The following CNTNAP2 variants were observed in gnomAD, a reference collection of about 807,000 sequenced individuals.
The protein encoded by CNTNAP2 is contactin associated protein 2, also known as contactin-associated protein-like 2.
In CNTNAP2, 98 loss-of-function variants were observed where a neutral mutation model predicts 155.2. The observed-to-expected ratio is 0.63, with a 90% CI of 0.54 to 0.75. CNTNAP2 has a LOEUF of 0.75. Among genes scored for constraint, CNTNAP2 ranks in the 30% least tolerant of loss-of-function variants. CNTNAP2 has a pLI of 0.00. For missense variants in CNTNAP2, 1,727 were observed against 1,688.1 expected (o/e 1.02, Z -0.40); for synonymous variants, 651 against 631.2 (o/e 1.03, Z -0.47).
intron 13 of CNTNAP2, among the ~76,000 whole-genome samples, chr7:147,740,802 T>G (rs1372865618): frequency 6.6e-6 from 1 of 152,116 alleles, no homozygotes; most frequent in Non-Finnish European, 1.5e-5. Context: ...AAGGAATTTA[T>G]GAAAGGGAGT....
At chr7:146,173,372 C>A (rs1798422844) in intron 1 of CNTNAP2, among the ~76,000 whole-genome samples, 1 of 151,572 alleles carries the variant, frequency 6.6e-6, no homozygotes. Flanking sequence ...TTGAATTTTC[C>A]AGTTTGTTTG....
At chr7:147,994,739 AT>A (rs2116885806) in intron 15 of CNTNAP2, among the ~76,000 whole-genome samples, 1 of 152,276 alleles carries the variant, frequency 6.6e-6, no homozygotes, top group Admixed American at 6.5e-5. Flanking sequence ...TCTTTTGTAA[AT>A]TGCCCAGTCT....
At chr7:147,468,618 A>C (rs1345308910) in intron 10 of CNTNAP2, among the ~76,000 whole-genome samples, 1 of 152,220 alleles carries the variant, frequency 6.6e-6, no homozygotes, top group Non-Finnish European at 1.5e-5. Flanking sequence ...ACATGAGATC[A>C]TATAGTAGCC....
chr7:147,632,941 C>A (rs1037235212), intron 12 of CNTNAP2, among the ~76,000 whole-genome samples: 2 of 152,126 alleles, frequency 1.3e-5, no homozygotes, highest in African/African-American at 4.8e-5. Flanking sequence ...TTTGTCCCTG[C>A]CTCATTCAAG....
intron 12 of CNTNAP2, among the ~76,000 whole-genome samples, chr7:147,596,333 C>A (rs1456666754): frequency 6.6e-6 from 1 of 152,080 alleles, no homozygotes; most frequent in Non-Finnish European, 1.5e-5. Context: ...ACTTATTGAC[C>A]TTACATCCAC....
chr7:148,203,956 T>C (rs541097197), intron 18 of CNTNAP2, among the ~76,000 whole-genome samples: 1 of 152,302 alleles, frequency 6.6e-6, no homozygotes, highest in African/African-American at 2.4e-5. Context: ...AACATCTTTT[T>C]TGAAGAGGCA....
intron 14 of CNTNAP2, among the ~76,000 whole-genome samples, chr7:147,962,872 C>T (rs1801137349): frequency 6.6e-6 from 1 of 152,006 alleles, no homozygotes; most frequent in Non-Finnish European, 1.5e-5. Flanking sequence ...CATCAGAGTC[C>T]CTTTTCTTAA....
intron 4 of CNTNAP2, among the ~76,000 whole-genome samples, chr7:147,107,523 C>T (rs758102584): frequency 1.3e-5 from 2 of 151,988 alleles, no homozygotes; most frequent in Non-Finnish European, 2.9e-5. Flanking sequence ...TTCTCCATTC[C>T]AAATGCAAGG....
At chr7:146,391,184 C>A (rs1166856743) in intron 1 of CNTNAP2, among the ~76,000 whole-genome samples, 1 of 149,956 alleles carries the variant, frequency 6.7e-6, no homozygotes, top group African/African-American at 2.4e-5. Context: ...GTTAAAAGGA[C>A]ATGACAAGTA....
intron 1 of CNTNAP2, among the ~76,000 whole-genome samples, chr7:146,408,930 C>A (rs771453258): frequency 6.6e-6 from 1 of 152,108 alleles, no homozygotes; most frequent in South Asian, 2.1e-4. Flanking sequence ...AATTCACATG[C>A]CTTCATTGGT....
intron 10 of CNTNAP2, among the ~76,000 whole-genome samples, chr7:147,468,141 A>T (rs1215570216): frequency 6.6e-6 from 1 of 152,012 alleles, no homozygotes; most frequent in Non-Finnish European, 1.5e-5. Context: ...TAAAAATATA[A>T]TTAGTTGGGT....
intron 12 of CNTNAP2, among the ~76,000 whole-genome samples, chr7:147,635,900 G>GA (rs1300059730): frequency 5.9e-5 from 9 of 151,658 alleles, no homozygotes; most frequent in Non-Finnish European, 1.2e-4. Context: ...AGATTTGTGA[G>GA]AAAAAAAATA....
At chr7:148,412,045 C>T (rs1024566907) in intron 23 of CNTNAP2, among the ~76,000 whole-genome samples, 1 of 152,104 alleles carries the variant, frequency 6.6e-6, no homozygotes, top group South Asian at 2.1e-4. Flanking sequence ...CTGGCTCAAG[C>T]GATTCTCCTG....
At chr7:146,765,099 T>C (rs548941568) in intron 1 of CNTNAP2, among the ~76,000 whole-genome samples, 2 of 152,166 alleles carry the variant, frequency 1.3e-5, no homozygotes, top group Non-Finnish European at 2.9e-5. Flanking sequence ...AAGTCTTATG[T>C]TCTTTTTAAG....
At chr7:147,387,930 A>C (rs550013711) in intron 9 of CNTNAP2, among the ~76,000 whole-genome samples, 3 of 152,270 alleles carry the variant, frequency 2.0e-5, no homozygotes, top group Admixed American at 2.0e-4. Context: ...TTAATTATTA[A>C]CATGATGGTT....
chr7:148,020,422 C>A (rs563309724), intron 15 of CNTNAP2, among the ~76,000 whole-genome samples: 1 of 152,304 alleles, frequency 6.6e-6, no homozygotes, highest in South Asian at 2.1e-4. Flanking sequence ...TATTTCCCCT[C>A]AAATATATAA....
At chr7:147,902,639 T>G (rs1158238652) in intron 13 of CNTNAP2, among the ~76,000 whole-genome samples, 1 of 152,218 alleles carries the variant, frequency 6.6e-6, no homozygotes. Flanking sequence ...CTCCCACTTA[T>G]GAGTGAGAAT....
intron 8 of CNTNAP2, among the ~76,000 whole-genome samples, chr7:147,257,730 T>G (rs1804364807): frequency 6.6e-6 from 1 of 152,186 alleles, no homozygotes; most frequent in African/African-American, 2.4e-5. Context: ...GTGAAGGAAG[T>G]TAAGGATCTT....
chr7:146,781,290 G>A (rs1438615773), intron 2 of CNTNAP2, among the ~76,000 whole-genome samples: 2 of 148,730 alleles, frequency 1.3e-5, no homozygotes, highest in Non-Finnish European at 3.0e-5. Flanking sequence ...GTAAGCCACC[G>A]TGGCACATGT....
Sources: allele counts gnomAD v4.1 joint callset (sites outside exome capture counted in the v4.1 genomes callset), GRCh38; gene constraint gnomAD v4.1.1; transcripts MANE v1.5; gene names NCBI Gene and HGNC (gene_info 2026-07-23, HGNC 2026-07-21).